Variants in PLIN5 observed in about 807,000 individuals in gnomAD.
PLIN5 encodes perilipin-5.
Under a neutral mutation model 32.8 loss-of-function variants are expected in PLIN5, and 34 were observed. The observed-to-expected ratio is 1.04, with a 90% CI of 0.79 to 1.38. PLIN5 has a LOEUF of 1.38. Ranked by LOEUF, PLIN5 falls within the 40% of genes most tolerant of loss-of-function variation. The probability of loss-of-function intolerance (pLI) is 0.00; values close to 1 mark genes in which losing one functional copy is unlikely to be tolerated. For missense variants in PLIN5, 712 were observed against 660.5 expected (o/e 1.08, Z -0.85); for synonymous variants, 309 against 292.9 (o/e 1.05, Z -0.56).
chr19:4,525,122 G>A lies in PLIN5; in HGVS notation c.721-46C>T. 3.4e-6 allele frequency: 3 copies of A among 886,392 alleles called. No homozygotes were observed. The highest frequency in any genetic ancestry group is 4.8e-6 in the Non-Finnish European group (3 of 626,912). 54.9% of individuals were successfully genotyped at this position (886,392 alleles called of 1,614,324 possible). On this transcript the variant is annotated intron_variant, in intron 6 of 7. Transcript: ENST00000381848. The surrounding 1 kb of genome is among the most constrained non-coding windows in gnomAD (Gnocchi z 5.6). The stretch of plus-strand genomic sequence containing the variant: ...GTCTTCAGAGCTGGGGGAGCTGGGG[G>A]AGCTGGGGGTCGGGGTGGGGTCCAG...
intron 4 of PLIN5, 155 bp downstream of exon 4, chr19:4,529,629 A>ACACC: frequency 1.8e-6 from 1 of 541,118 alleles, no homozygotes. Context: ...ACACACACAC[A>ACACC]CACACACACA....
chr19:4,525,655 T>G lies in PLIN5; in HGVS notation c.698A>C (p.Gln233Pro). 1 of 1,613,534 alleles carries G rather than the reference T, an allele frequency of 6.2e-7. No homozygotes were observed. Among genetic ancestry groups the G allele is most frequent in the Non-Finnish European group, 8.5e-7 (1 of 1,180,010 alleles). ...SKHRAQDTLA[Q>P]LQETLELIDH... ...CACCAGCTCCAGCGTCTCCTGCAGC[T>G]GGGCCAGGGTGTCCTGGGCACGGTG... The change falls in exon 6 of 8, where the codon CAG becomes CCG. Residue 233 changes from glutamine (Q) to proline (P), a missense_variant. Physicochemically the swap from Gln to Pro is moderately conservative, Grantham distance 76. Transcript: ENST00000381848. The surrounding 1 kb of genome is among the most constrained non-coding windows in gnomAD (Gnocchi z 5.6).
Position 4,531,611 on chromosome 19 carries a change from G to T in PLIN5, c.256+16C>A. On this transcript the variant is annotated intron_variant, in intron 3 of 7. Coordinates refer to ENST00000381848, the MANE Select transcript of PLIN5 (RefSeq NM_001013706.3). ...GGCAAGCCACAGCTCCCAGGGACACGGGCCAGGGCACTCACGCTGGGGCTG... is the reference window on the plus strand; with the variant it reads ...GGCAAGCCACAGCTCCCAGGGACACTGGCCAGGGCACTCACGCTGGGGCTG... 1 of 1,488,696 alleles carries T rather than the reference G, an allele frequency of 6.7e-7. No individual in the cohort carries two copies. The highest frequency in any genetic ancestry group is 1.3e-5 in the South Asian group (1 of 76,692). The allele number at this position is 1,488,696 out of a possible 1,614,324, so 92.2% of individuals were successfully genotyped here.
intron 5 of PLIN5, among the ~76,000 whole-genome samples, chr19:4,527,943 T>A (rs1444788620): frequency 6.7e-6 from 1 of 149,896 alleles, no homozygotes. Flanking sequence ...AGAGTCTCGC[T>A]CTGTCACCCA....
At chr19:4,529,671 G>A (rs575630636) in intron 4 of PLIN5, 113 bp downstream of exon 4, 1 of 711,256 alleles carries the variant, frequency 1.4e-6, no homozygotes, top group South Asian at 1.7e-5. Context: ...TTTTAACCTG[G>A]CTGTTTTTTC....
rs781537857 is a variant in PLIN5 at position 4,523,729 on chromosome 19, G to T, written c.1191C>A (p.Asp397Glu). 1.9e-6 allele frequency: 3 copies of T among 1,601,606 alleles called. No individual in the cohort carries two copies. The highest frequency in any genetic ancestry group is 2.5e-6 in the Non-Finnish European group (3 of 1,179,548). Residue 397 changes from aspartate to glutamate, a missense_variant, in exon 8 of 8, where the codon GAC becomes GAA. Coordinates refer to ENST00000381848, the MANE Select transcript of PLIN5 (RefSeq NM_001013706.3). The surrounding 1 kb of genome is among the most constrained non-coding windows in gnomAD (Gnocchi z 5.0). ...EPLPDLADLVDEVIGGPDPRW... is the reference protein window; with the variant it reads ...EPLPDLADLVEEVIGGPDPRW... ...GGGGGTCAGGGCCCCCGATGACCTCGTCCACCAGGTCCGCCAGGTCGGGCA... is the reference window on the plus strand; with the variant it reads ...GGGGGTCAGGGCCCCCGATGACCTCTTCCACCAGGTCCGCCAGGTCGGGCA...
chr19:4,526,236 C>G (rs1488922465), intron 5 of PLIN5, among the ~76,000 whole-genome samples: 1 of 150,894 alleles, frequency 6.6e-6, no homozygotes, highest in South Asian at 2.1e-4. Flanking sequence ...TTTTTTTTTT[C>G]TTTGAGATGG....
intron 3 of PLIN5, among the ~76,000 whole-genome samples, chr19:4,530,573 A>G (rs1408457123): frequency 6.6e-6 from 1 of 152,184 alleles, no homozygotes; most frequent in African/African-American, 2.4e-5. Context: ...CCCAAGGCAC[A>G]TCAGGCCAAC....
chr19:4,533,073 T>G (rs909700440), intron 2 of PLIN5: 6 of 151,734 alleles, frequency 4.0e-5, no homozygotes, highest in South Asian at 2.1e-4. Context: ...TAGCTGGGAT[T>G]CCAGGCAGGC....
chr19:4,534,816 G>C (rs750734660), intron 1 of PLIN5, among the ~76,000 whole-genome samples: 1 of 152,324 alleles, frequency 6.6e-6, no homozygotes, highest in Non-Finnish European at 1.5e-5. Flanking sequence ...GTAGCTGCTG[G>C]GTCCCAGTCC....
rs1163106620 is a variant in PLIN5, at chr19:4,533,864, ACCATCC to A, written c.60+145_60+150del. 1.6e-5 allele frequency: 14 copies of A among 856,438 alleles called. No homozygotes were observed. In the East Asian group the frequency reaches 3.5e-4, roughly 21 times the overall value. The allele number at this position is 856,438 out of a possible 1,614,324, so 53.1% of individuals were successfully genotyped here. On this transcript the variant is annotated intron_variant, in intron 2 of 7. Transcript: ENST00000381848. ...TCATTAAGCCCCCACTAGGAAATAGACCATCCCCTCCATGGACCAAAATATTTTATG... is the reference window on the plus strand; with the variant it reads ...TCATTAAGCCCCCACTAGGAAATAGACCTCCATGGACCAAAATATTTTATG...
rs1568243482 is a variant in PLIN5 at position 4,525,594 on chromosome 19, GC to G, written c.720+38del. ...GCTGGTGCTCAATCCATACTGATTG[GC>G]CTGCATCCCGGAGCAGGGGCGGGCA... is the stretch of plus-strand genomic sequence containing the variant. On this transcript the variant is annotated intron_variant, in intron 6 of 7. Transcript: ENST00000381848. This position sits in a 1 kb window ranked among gnomAD's most constrained non-coding sequence, Gnocchi z 5.6. 2 of 1,603,832 alleles carry G rather than the reference GC, an allele frequency of 1.2e-6. No homozygotes were observed. The highest frequency in any genetic ancestry group is 8.5e-7 in the Non-Finnish European group (1 of 1,176,920).
Position 4,523,875 on chromosome 19 carries a change from C to A in PLIN5, c.1045G>T (p.Gly349Cys). Residue 349 changes from glycine (G) to cysteine (C), a missense_variant, in exon 8 of 8, where the codon GGT becomes TGT. By Grantham distance (159) the Gly-to-Cys change is radical. Transcript: ENST00000381848. The surrounding 1 kb of genome is among the most constrained non-coding windows in gnomAD (Gnocchi z 5.0). ...VPAAALAEGR[G>C]RVAHAHACVD... The stretch of plus-strand genomic sequence containing the variant: ...CAGGCGTGCGCGTGGGCCACGCGAC[C>A]CCGGCCCTCGGCCAGCGCGGCCGCT... The A allele has an allele frequency of 6.6e-7, 1 of 1,523,072 alleles. No individual in the cohort carries two copies. Among genetic ancestry groups the A allele is most frequent in the Non-Finnish European group, 8.7e-7 (1 of 1,147,428 alleles). The allele number at this position is 1,523,072 out of a possible 1,614,324, so 94.3% of individuals were successfully genotyped here.
rs1420929209 is a variant in PLIN5, at chr19:4,525,602, C to T, written c.720+31G>A. 6.2e-7 allele frequency: 1 copy of T among 1,608,480 alleles called. No individual in the cohort carries two copies. The highest frequency in any genetic ancestry group is 1.1e-5 in the South Asian group (1 of 91,050). ...TCAATCCATACTGATTGGCCTGCAT[C>T]CCGGAGCAGGGGCGGGCAGCGGGCT... On this transcript the variant is annotated intron_variant, in intron 6 of 7. Coordinates refer to ENST00000381848, the MANE Select transcript of PLIN5 (RefSeq NM_001013706.3). This position sits in a 1 kb window ranked among gnomAD's most constrained non-coding sequence, Gnocchi z 5.6.
At chr19:4,529,361 C>T (rs968907905) in intron 4 of PLIN5, 108 bp from the exon 5 acceptor site, 1 of 1,255,666 alleles carries the variant, frequency 8.0e-7, no homozygotes, top group Non-Finnish European at 1.1e-6. Flanking sequence ...TTCTACCTGG[C>T]TCCGTGCCTC....
chr19:4,524,950 C>A lies in PLIN5; in HGVS notation c.834+13G>T. On this transcript the variant is annotated intron_variant, in intron 7 of 7. Transcript: ENST00000381848. Reference sequence around the variant, plus strand: ...GGCAGACACCACCTCACCTGGCACTCCTGCGGTCTCACCTGGCTCCGGCGG... The same window carrying A: ...GGCAGACACCACCTCACCTGGCACTACTGCGGTCTCACCTGGCTCCGGCGG... 1.3e-6 allele frequency: 2 copies of A among 1,529,580 alleles called. No individual in the cohort carries two copies. Among genetic ancestry groups the A allele is most frequent in the Non-Finnish European group, 1.8e-6 (2 of 1,138,150 alleles). 94.8% of individuals were successfully genotyped at this position (1,529,580 alleles called of 1,614,324 possible).
chr19:4,526,229 T>G (rs1001069827), intron 5 of PLIN5, among the ~76,000 whole-genome samples: 22 of 152,084 alleles, frequency 1.4e-4, no homozygotes, highest in African/African-American at 5.3e-4. Context: ...TTAACCATTT[T>G]TTTTTTCTTT....
In PLIN5 at chr19:4,527,486, C is replaced by G. The variant is rs553249406; in HGVS notation, c.520+1587G>C. On this transcript the variant is annotated intron_variant, in intron 5 of 7. Transcript: ENST00000381848. ...CCCAGGAGGCGGAGGCTGCAGTGAG[C>G]CAAGATCATATCACTGCACTCTAGC... 5.4e-3 allele frequency among the ~76,000 whole-genome samples: 738 copies of G among 136,844 alleles called. 8 individuals are homozygous for G. Among genetic ancestry groups the G allele is most frequent in the South Asian group, 0.014 (59 of 4,276 alleles). 89.8% of individuals were successfully genotyped at this position (136,844 alleles called of 152,430 possible). A position where few individuals can be genotyped will look rare whatever the true frequency, so the allele number is the denominator to read the frequency against.
chr19:4,529,370 TCA>T (rs1458915683), intron 4 of PLIN5, 117 bp from the exon 5 acceptor site: 2 of 1,164,102 alleles, frequency 1.7e-6, no homozygotes, highest in African/African-American at 3.1e-5. Flanking sequence ...GCTCCGTGCC[TCA>T]GTTTCCCCTA....
Sources: allele counts gnomAD v4.1 joint callset (sites outside exome capture counted in the v4.1 genomes callset), GRCh38; gene constraint gnomAD v4.1.1; non-coding constraint Gnocchi (gnomAD v3.1); transcripts MANE v1.5; gene names NCBI Gene and HGNC (gene_info 2026-07-23, HGNC 2026-07-21).